Variants in GNPTAB observed in about 807,000 individuals in gnomAD.
GNPTAB encodes the protein N-acetylglucosamine-1-phosphotransferase subunits alpha/beta.
Under a neutral mutation model 136.6 loss-of-function variants are expected in GNPTAB, and 92 were observed. That is an observed-to-expected ratio of 0.67 (90% CI 0.57 to 0.80). The LOEUF (loss-of-function observed/expected upper bound fraction) is 0.80. GNPTAB is among the 30% of genes least tolerant of loss of function. GNPTAB has a pLI of 0.00. For synonymous variants in GNPTAB, 512 were observed against 535.1 expected (o/e 0.96, Z 0.60); for missense variants, 1,343 against 1,501.8 (o/e 0.89, Z 1.75).
chr12:101,750,818 C>T (rs887404980), intron 19 of GNPTAB, among the ~76,000 whole-genome samples: 1 of 152,266 alleles, frequency 6.6e-6, no homozygotes, highest in South Asian at 2.1e-4. Flanking sequence ...TCCAAGATAC[C>T]GAGGAGTTCT....
At position 101,761,766 on chromosome 12, in the gene GNPTAB, G is replaced by GA; in HGVS notation, c.2716-4dup. ...TGTGTCTTCAATGACTCTTCTTCCT[G>GA]AAAAGAGAATTCTACATGTAACTCA... On this transcript the variant is annotated splice_polypyrimidine_tract_variant and splice_region_variant and intron_variant, in intron 13 of 20. Coordinates refer to ENST00000299314, the MANE Select transcript of GNPTAB (RefSeq NM_024312.5). The GA allele has an allele frequency of 6.2e-7, 1 of 1,602,676 alleles. No homozygotes were observed.
chr12:101,753,649 G>T, intron 18 of GNPTAB, 110 bp from the exon 19 acceptor site: 2 of 904,292 alleles, frequency 2.2e-6, no homozygotes, highest in African/African-American at 1.7e-5. Flanking sequence ...TCCCAAGTTG[G>T]TATATTTGCT....
chr12:101,810,189 A>G (rs1046281471), intron 1 of GNPTAB, among the ~76,000 whole-genome samples: 2 of 152,100 alleles, frequency 1.3e-5, no homozygotes, highest in African/African-American at 4.8e-5. Flanking sequence ...TCAAGGCTGC[A>G]GTGAGCTGAC....
At position 101,757,566 on chromosome 12, in the gene GNPTAB, A is replaced by G; in HGVS notation, c.3335+6T>C. On this transcript the variant is annotated splice_donor_region_variant and intron_variant, in intron 17 of 20. Coordinates refer to ENST00000299314, the MANE Select transcript of GNPTAB (RefSeq NM_024312.5). ...TAAACAAAGGGAGTATGCGTGTACT[A>G]CTTACCTATATTTGTTTTTGTCCTT... The G allele has an allele frequency of 7.4e-7, 1 of 1,343,484 alleles. No individual in the cohort carries two copies. The highest frequency in any genetic ancestry group is 1.1e-6 in the Non-Finnish European group (1 of 934,030). The allele number at this position is 1,343,484 out of a possible 1,614,324, so 83.2% of individuals were successfully genotyped here.
chr12:101,751,754 C>G (rs916123140), intron 19 of GNPTAB, among the ~76,000 whole-genome samples: 1 of 152,122 alleles, frequency 6.6e-6, no homozygotes, highest in African/African-American at 2.4e-5. Context: ...GTTTGGCGTA[C>G]AACAGGTTCT....
chr12:101,818,334 T>C (rs1870610899), intron 1 of GNPTAB, among the ~76,000 whole-genome samples: 1 of 151,998 alleles, frequency 6.6e-6, no homozygotes, highest in Non-Finnish European at 1.5e-5. Flanking sequence ...GCCTGGACTA[T>C]GAGTTCCTCC....
At position 101,746,436 on chromosome 12, in the gene GNPTAB, G is replaced by C. The variant is rs1182013452; in HGVS notation, c.*728C>G. On this transcript the variant is annotated 3_prime_UTR_variant, in exon 21 of 21. Transcript: ENST00000299314. ...CATTTCCAAAACATAATTACATCTG[G>C]TAAGTAGTACTAACTCTAGCCCTTT... 1 of 152,220 alleles carries C rather than the reference G, an allele frequency of 6.6e-6. No homozygotes were observed. Among genetic ancestry groups the C allele is most frequent in the Non-Finnish European group, 1.5e-5 (1 of 68,076 alleles). 9.4% of individuals were successfully genotyped at this position (152,220 alleles called of 1,614,324 possible).
chr12:101,756,443 C>T, intron 18 of GNPTAB: 1 of 394,000 alleles, frequency 2.5e-6, no homozygotes, highest in Non-Finnish European at 5.0e-6. Context: ...GGTGCAGCAG[C>T]TCATGTCTGT....
In GNPTAB at chr12:101,766,280, T is replaced by C; in HGVS notation, c.1423A>G (p.Ser475Gly). ...GGDCSGNSGG[S>G]RYIAGGGGTG... ...CCTCCACCTCCTGCAATATAGCGAC[T>C]CCCTCCACTGTTTCCTGTAGATCGG... Residue 475 changes from serine to glycine, a missense_variant, in exon 12 of 21, where the codon AGT becomes GGT. Ser to Gly is a moderately conservative substitution (Grantham distance 56, BLOSUM62 0). Coordinates refer to ENST00000299314, the MANE Select transcript of GNPTAB (RefSeq NM_024312.5). The C allele has an allele frequency of 1.2e-6, 2 of 1,613,692 alleles. No individual in the cohort carries two copies. Among genetic ancestry groups the C allele is most frequent in the South Asian group, 2.2e-5 (2 of 91,064 alleles).
At chr12:101,752,866 C>T (rs1012873042) in intron 19 of GNPTAB, among the ~76,000 whole-genome samples, 2 of 152,078 alleles carry the variant, frequency 1.3e-5, no homozygotes, top group East Asian at 1.9e-4. Context: ...TTTTCAAATC[C>T]CTTAAAATGC....
chr12:101,748,207 C>T (rs2137096896), intron 20 of GNPTAB, among the ~76,000 whole-genome samples: 1 of 152,364 alleles, frequency 6.6e-6, no homozygotes, highest in African/African-American at 2.4e-5. Context: ...TGTTCACCTG[C>T]CCAGTCTCTG....
chr12:101,781,491 C>T (rs1326226136), intron 5 of GNPTAB, among the ~76,000 whole-genome samples: 1 of 152,032 alleles, frequency 6.6e-6, no homozygotes, highest in African/African-American at 2.4e-5. Context: ...CATGGCAAAA[C>T]CCTGTCTCTA....
chr12:101,798,061 C>T (rs370139660), intron 1 of GNPTAB, among the ~76,000 whole-genome samples: 1 of 152,300 alleles, frequency 6.6e-6, no homozygotes, highest in East Asian at 1.9e-4. Context: ...CTCCTGCTTT[C>T]CCACTCACCC....
chr12:101,766,842 G>A (rs1953102578), intron 11 of GNPTAB, among the ~76,000 whole-genome samples: 1 of 152,216 alleles, frequency 6.6e-6, no homozygotes, highest in African/African-American at 2.4e-5. Flanking sequence ...CAACCTACAA[G>A]TACAGGGCTT....
At chr12:101,763,408 A>G (rs1953031649) in intron 13 of GNPTAB, among the ~76,000 whole-genome samples, 1 of 149,934 alleles carries the variant, frequency 6.7e-6, no homozygotes, top group African/African-American at 2.5e-5. Flanking sequence ...CCTAACACCC[A>G]CTCGTGGCTG....
At position 101,830,636 on chromosome 12, in the gene GNPTAB, G is replaced by T; in HGVS notation, c.40C>A (p.Leu14Met). ...KLLQRQTYTC[L>M]SHRYGLYVCF... ...ACGTAGAGCCCATACCTGTGGGACAGGCAGGTATAGGTCTGTCTCTGCAGG... is the reference window on the plus strand; with the variant it reads ...ACGTAGAGCCCATACCTGTGGGACATGCAGGTATAGGTCTGTCTCTGCAGG... The change falls in exon 1 of 21, where the codon CTG (leucine) becomes ATG (methionine). Residue 14 changes from leucine (L) to methionine (M), a missense_variant. By Grantham distance (15) the Leu-to-Met change is conservative (BLOSUM62 2). Transcript: ENST00000299314. 6.2e-7 allele frequency: 1 copy of T among 1,611,790 alleles called. No homozygotes were observed. Among genetic ancestry groups the T allele is most frequent in the Non-Finnish European group, 8.5e-7 (1 of 1,178,200 alleles).
chr12:101,821,989 T>C (rs1401607457), intron 1 of GNPTAB, among the ~76,000 whole-genome samples: 1 of 152,088 alleles, frequency 6.6e-6, no homozygotes, highest in African/African-American at 2.4e-5. Context: ...ATTCTTAGGA[T>C]CTATGGAAGG....
intron 1 of GNPTAB, among the ~76,000 whole-genome samples, chr12:101,826,788 G>T (rs368408738): frequency 1.3e-5 from 2 of 151,982 alleles, no homozygotes; most frequent in South Asian, 4.1e-4. Context: ...TTAAAAACCA[G>T]AAGTTTCTAA....
At chr12:101,756,890 A>G (rs1346858324) in intron 18 of GNPTAB, 1 of 239,404 alleles carries the variant, frequency 4.2e-6, no homozygotes, top group Admixed American at 5.0e-5. Flanking sequence ...ACCTTTTTAG[A>G]AATGCCATAA....
Sources: allele counts gnomAD v4.1 joint callset (sites outside exome capture counted in the v4.1 genomes callset), GRCh38; gene constraint gnomAD v4.1.1; transcripts MANE v1.5; gene names NCBI Gene and HGNC (gene_info 2026-07-23, HGNC 2026-07-21).